Variants in CYGB observed in about 807,000 individuals in gnomAD.
The protein encoded by CYGB is cytoglobin.
In CYGB, 13 loss-of-function variants were observed where a neutral mutation model predicts 20.7. That is an observed-to-expected ratio of 0.63 (90% CI 0.41 to 1.00). The LOEUF is 1.00. Ranked by LOEUF, CYGB falls within the 50% of genes least tolerant of loss-of-function variation. The pLI is 0.00. For missense variants in CYGB, 218 were observed against 257.2 expected, an observed-to-expected ratio of 0.85 and a Z score of 1.04; for synonymous variants, 93 against 107.4, an observed-to-expected ratio of 0.87 and a Z score of 0.83.
At chr17:76,540,079 T>G, upstream of CYGB, 21 of 1,501,830 alleles carry the variant, frequency 1.4e-5, no homozygotes, top group Middle Eastern at 1.7e-4. The surrounding 1 kb of genome is among the most constrained non-coding windows in gnomAD (Gnocchi z 5.0). Context: ...GCTGGGGCCA[T>G]TTTGGCCCCT....
rs1203225358 is a variant in CYGB, at chr17:76,533,968, T to C, written c.144-2277A>G. The stretch of plus-strand genomic sequence containing the variant: ...ATCCGATCGCATCACGAGCCCAGGA[T>C]TGGAGGCTGCCATGAGCCATGATGG... On this transcript the variant is annotated intron_variant, in intron 1 of 3. Coordinates refer to ENST00000293230, the MANE Select transcript of CYGB (RefSeq NM_134268.5). The surrounding 1 kb of genome is among the most constrained non-coding windows in gnomAD (Gnocchi z 4.5). Among the ~76,000 whole-genome samples the C allele has an allele frequency of 6.6e-6, 1 of 151,830 alleles. No homozygotes were observed. Among genetic ancestry groups the C allele is most frequent in the East Asian group, 1.9e-4 (1 of 5,160 alleles).
chr17:76,534,176 CTTTCTT>C (rs1257970058), intron 1 of CYGB, among the ~76,000 whole-genome samples: 5 of 126,122 alleles, frequency 4.0e-5, no homozygotes, highest in Admixed American at 8.7e-5. Context: ...CTCTCTCTCT[CTTTCTT>C]TCTTTCTTTC....
chr17:76,535,394 G>A (rs921432490), intron 1 of CYGB, among the ~76,000 whole-genome samples: 2 of 152,170 alleles, frequency 1.3e-5, no homozygotes, highest in South Asian at 2.1e-4. Flanking sequence ...ATCTGAGAAG[G>A]GACCTTCAGG....
In CYGB at chr17:76,527,469, G is replaced by A. The variant is rs1161637199; in HGVS notation, c.*1109C>T. On this transcript the variant is annotated 3_prime_UTR_variant, in exon 4 of 4. Transcript: ENST00000293230. ...TGAGGATGAGGATGAAGATGAGGAT[G>A]AGGATGGGCCAGGAGGGGACACAGC... 10 of 388,642 alleles carry A rather than the reference G, an allele frequency of 2.6e-5. No homozygotes were observed. The highest frequency in any genetic ancestry group is 2.1e-5 in the Non-Finnish European group (4 of 194,330). The allele number at this position is 388,642 out of a possible 1,614,324, so 24.1% of individuals were successfully genotyped here.
Position 76,531,791 on chromosome 17 carries a change from C to T in CYGB, c.144-100G>A, listed in dbSNP as rs145399411. ...GGGGCTGAAGAAGTGGACCGCAGTGCTCCCCACCCCCGCACCGTCACTGTT... is the reference window on the plus strand; with the variant it reads ...GGGGCTGAAGAAGTGGACCGCAGTGTTCCCCACCCCCGCACCGTCACTGTT... On this transcript the variant is annotated intron_variant, in intron 1 of 3. Transcript: ENST00000293230. The surrounding 1 kb of genome is among the most constrained non-coding windows in gnomAD (Gnocchi z 7.4). 1.5e-4 allele frequency: 140 copies of T among 931,596 alleles called. No individual in the cohort carries two copies. In the African/African-American group the frequency reaches 2.1e-3, roughly 14 times the overall value. The allele number at this position is 931,596 out of a possible 1,614,324, so 57.7% of individuals were successfully genotyped here. A position where few individuals can be genotyped will look rare whatever the true frequency, so the allele number is the denominator to read the frequency against.
intron 1 of CYGB, chr17:76,550,267 T>G (rs1159828656): frequency 6.8e-6 from 1 of 146,466 alleles, no homozygotes; most frequent in Non-Finnish European, 1.5e-5. Flanking sequence ...AGAAGGTTCT[T>G]TTTTTTTTTT....
At chr17:76,544,691 G>A in intron 1 of CYGB, 1 of 456,800 alleles carries the variant, frequency 2.2e-6, no homozygotes, top group Non-Finnish European at 4.4e-6. Context: ...GTCAGGCTGA[G>A]GGCCAGAGGG....
chr17:76,529,353 CCATT>C, intron 3 of CYGB: 1 of 985,428 alleles, frequency 1.0e-6, no homozygotes, highest in South Asian at 4.7e-5. Flanking sequence ...TAGCCCATCT[CCATT>C]CAGTCCACAA....
Position 76,528,866 on chromosome 17 carries a change from G to A in CYGB, c.540-255C>T. ...CTAAAATGTGAATAATGTCTGTCTT[G>A]TGACATAAACTGGGTAAAAAAGTGT... On this transcript the variant is annotated intron_variant, in intron 3 of 3. Coordinates refer to ENST00000293230, the MANE Select transcript of CYGB (RefSeq NM_134268.5). The surrounding 1 kb of genome is among the most constrained non-coding windows in gnomAD (Gnocchi z 5.8). 8.2e-7 allele frequency: 1 copy of A among 1,217,894 alleles called. No individual in the cohort carries two copies. The highest frequency in any genetic ancestry group is 1.0e-6 in the Non-Finnish European group (1 of 977,588). The allele number at this position is 1,217,894 out of a possible 1,614,324, so 75.4% of individuals were successfully genotyped here. A position where few individuals can be genotyped will look rare whatever the true frequency, so the allele number is the denominator to read the frequency against.
upstream of CYGB, among the ~76,000 whole-genome samples, chr17:76,541,659 T>C (rs996794366): frequency 5.3e-5 from 8 of 152,292 alleles, no homozygotes; most frequent in Admixed American, 3.9e-4. Flanking sequence ...CCAGCTGGCA[T>C]CATCATAATA....
chr17:76,539,743 CCT>C (rs1363995949), upstream of CYGB, among the ~76,000 whole-genome samples: 1 of 152,144 alleles, frequency 6.6e-6, no homozygotes, highest in Non-Finnish European at 1.5e-5. Flanking sequence ...TAAACGTTGC[CCT>C]GATGCCTGCA....
Position 76,531,285 on chromosome 17 carries a change from A to G in CYGB, c.376-143T>C, listed in dbSNP as rs1567906461. 4 of 1,213,134 alleles carry G rather than the reference A, an allele frequency of 3.3e-6. No homozygotes were observed. In the East Asian group the frequency reaches 1.0e-4, roughly 31 times the overall value. The allele number at this position is 1,213,134 out of a possible 1,614,324, so 75.1% of individuals were successfully genotyped here. A position where few individuals can be genotyped will look rare whatever the true frequency, so the allele number is the denominator to read the frequency against. On this transcript the variant is annotated intron_variant, in intron 2 of 3. Transcript: ENST00000293230. This position sits in a 1 kb window ranked among gnomAD's most constrained non-coding sequence, Gnocchi z 7.4. ...GCTTTGGGAACCCCGTGCTCTCAGG[A>G]CAAGGGTTGCCCTGGACCCAGCCCC...
upstream of CYGB, among the ~76,000 whole-genome samples, chr17:76,539,353 G>C (rs990444890): frequency 1.3e-5 from 2 of 152,234 alleles, no homozygotes; most frequent in Non-Finnish European, 2.9e-5. Context: ...GTCGTATGGT[G>C]TAGGAATGAA....
chr17:76,536,886 C>T (rs1598207664), intron 1 of CYGB, among the ~76,000 whole-genome samples: 1 of 152,144 alleles, frequency 6.6e-6, no homozygotes, highest in South Asian at 2.1e-4. Context: ...AACACTGGAC[C>T]CCCCGGGCTC....
At position 76,528,422 on chromosome 17, in the gene CYGB, G is replaced by C. The variant is rs764657629; in HGVS notation, c.*156C>G. 1.5e-6 allele frequency: 1 copy of C among 658,626 alleles called. No homozygotes were observed. The highest frequency in any genetic ancestry group is 2.2e-6 in the Non-Finnish European group (1 of 455,630). The allele number at this position is 658,626 out of a possible 1,614,324, so 40.8% of individuals were successfully genotyped here. ...AGCGCCGCCTCCCAGCAGCTCCAGG[G>C]GGGGACCCTGGCCGCCACAGAGGCC... is the stretch of plus-strand genomic sequence containing the variant. On this transcript the variant is annotated 3_prime_UTR_variant, in exon 4 of 4. Transcript: ENST00000293230. The surrounding 1 kb of genome is among the most constrained non-coding windows in gnomAD (Gnocchi z 5.8).
upstream of CYGB, chr17:76,540,718 C>A (rs554074667): frequency 2.9e-4 from 231 of 800,284 alleles, 1 homozygote; most frequent in African/African-American, 3.7e-3. The surrounding 1 kb of genome is among the most constrained non-coding windows in gnomAD (Gnocchi z 5.0). Context: ...GCTCCCTGTC[C>A]GCCTGCTGGG....
rs528515729 is a variant in CYGB at position 76,531,858 on chromosome 17, C to T, written c.144-167G>A. 2 of 599,600 alleles carry T rather than the reference C, an allele frequency of 3.3e-6. No homozygotes were observed. Among genetic ancestry groups the T allele is most frequent in the South Asian group, 4.3e-5 (2 of 46,080 alleles). 37.1% of individuals were successfully genotyped at this position (599,600 alleles called of 1,614,324 possible). Reference sequence around the variant, plus strand: ...GACCTCAGCATAGACCCTCCTCCCTCTGGCCAAGCCGGCTCACCCCTACCA... The same window carrying T: ...GACCTCAGCATAGACCCTCCTCCCTTTGGCCAAGCCGGCTCACCCCTACCA... On this transcript the variant is annotated intron_variant, in intron 1 of 3. Coordinates refer to ENST00000293230, the MANE Select transcript of CYGB (RefSeq NM_134268.5). This position sits in a 1 kb window ranked among gnomAD's most constrained non-coding sequence, Gnocchi z 7.4.
chr17:76,543,061 G>A, intron 1 of CYGB: 1 of 472,114 alleles, frequency 2.1e-6, no homozygotes, highest in Non-Finnish European at 4.4e-6. Context: ...AGCCCAGGAG[G>A]ATGCTGTGGG....
chr17:76,551,091 T>C (rs1032130017), exon 1 of CYGB: 2 of 152,198 alleles, frequency 1.3e-5, no homozygotes, highest in African/African-American at 4.8e-5. Context: ...ACCAGGAAGG[T>C]GCCACGATGA....
Sources: allele counts gnomAD v4.1 joint callset (sites outside exome capture counted in the v4.1 genomes callset), GRCh38; gene constraint gnomAD v4.1.1; non-coding constraint Gnocchi (gnomAD v3.1); transcripts MANE v1.5; gene names NCBI Gene and HGNC (gene_info 2026-07-23, HGNC 2026-07-21).